The following TRAPPC9 variants were observed in gnomAD, a reference collection of about 807,000 sequenced individuals.
TRAPPC9 encodes trafficking protein particle complex subunit 9, also known as IKK2 binding protein.
In TRAPPC9, 83 loss-of-function variants were observed where a neutral mutation model predicts 124.0. The ratio of observed to expected loss-of-function variants is 0.67; its 90% CI spans 0.56 to 0.80. The LOEUF (loss-of-function observed/expected upper bound fraction) is 0.80, where lower values mean the gene tolerates loss of function less well. TRAPPC9 is among the 30% of genes least tolerant of loss of function. TRAPPC9 has a pLI of 0.00. For synonymous variants in TRAPPC9, 638 were observed against 617.5 expected (o/e 1.03, Z -0.49); for missense variants, 1,302 against 1,508.3 (o/e 0.86, Z 2.27).
intron 11 of TRAPPC9, among the ~76,000 whole-genome samples, chr8:140,293,684 G>A (rs1211815947): frequency 1.3e-5 from 2 of 151,720 alleles, no homozygotes; most frequent in Non-Finnish European, 2.9e-5. Context: ...ATGGACACAG[G>A]AAGGGGAACA....
chr8:140,025,533 A>G (rs1840087337), intron 17 of TRAPPC9, among the ~76,000 whole-genome samples: 1 of 150,982 alleles, frequency 6.6e-6, no homozygotes, highest in South Asian at 2.1e-4. Context: ...CAAAGGTTTC[A>G]TGGATATGAC....
intron 21 of TRAPPC9, among the ~76,000 whole-genome samples, chr8:139,792,106 T>TGCTA (rs1332770264): frequency 6.6e-6 from 1 of 152,158 alleles, no homozygotes; most frequent in Non-Finnish European, 1.5e-5. Flanking sequence ...ATTTGCCCTG[T>TGCTA]GCTAGACTCC....
At chr8:140,049,801 C>A (rs556784515) in intron 17 of TRAPPC9, among the ~76,000 whole-genome samples, 7 of 152,252 alleles carry the variant, frequency 4.6e-5, no homozygotes, top group Admixed American at 2.0e-4. Flanking sequence ...GAAGGTCTCC[C>A]GCCGAGTCCT....
At chr8:139,970,004 C>CA (rs761531379) in intron 19 of TRAPPC9, among the ~76,000 whole-genome samples, 1 of 152,176 alleles carries the variant, frequency 6.6e-6, no homozygotes, top group Non-Finnish European at 1.5e-5. Context: ...TTTCAGTACG[C>CA]AAAAAATGTT....
intron 17 of TRAPPC9, among the ~76,000 whole-genome samples, chr8:140,192,841 A>C (rs934001309): frequency 1.3e-5 from 2 of 152,276 alleles, no homozygotes; most frequent in East Asian, 3.9e-4. Context: ...GCAGTGGCAC[A>C]ATCTTGGCTC....
intron 21 of TRAPPC9, among the ~76,000 whole-genome samples, chr8:139,751,381 C>A (rs1051917796): frequency 3.3e-5 from 5 of 152,202 alleles, no homozygotes; most frequent in African/African-American, 1.2e-4. Flanking sequence ...CTTTCAGACA[C>A]CAGATCACCC....
chr8:140,183,995 AG>A (rs2062290863), intron 17 of TRAPPC9, among the ~76,000 whole-genome samples: 1 of 46,720 alleles, frequency 2.1e-5, no homozygotes. Context: ...AGGAGGGAGG[AG>A]GGAGGGGAGA....
At chr8:140,327,652 G>A (rs1480810890) in intron 9 of TRAPPC9, among the ~76,000 whole-genome samples, 1 of 152,150 alleles carries the variant, frequency 6.6e-6, no homozygotes, top group Non-Finnish European at 1.5e-5. Context: ...AAATAAGTCA[G>A]ACACAAAAGA....
intron 17 of TRAPPC9, among the ~76,000 whole-genome samples, chr8:140,138,080 C>T (rs895559874): frequency 5.9e-5 from 9 of 152,178 alleles, no homozygotes; most frequent in African/African-American, 1.9e-4. Context: ...ATGGGTGAAT[C>T]ACTTAAGGTC....
chr8:140,293,166 T>C (rs1355786268), intron 11 of TRAPPC9, among the ~76,000 whole-genome samples: 28 of 147,730 alleles, frequency 1.9e-4, no homozygotes, highest in Non-Finnish European at 3.7e-4. Flanking sequence ...CACAATGAGA[T>C]ACCATCTCAC....
intron 18 of TRAPPC9, among the ~76,000 whole-genome samples, chr8:139,996,174 A>AG (rs1400179311): frequency 4.1e-5 from 6 of 147,064 alleles, no homozygotes; most frequent in African/African-American, 1.5e-4. Context: ...AAAAAAAAAA[A>AG]AAAAAAAAGA....
intron 21 of TRAPPC9, among the ~76,000 whole-genome samples, chr8:139,749,891 C>T (rs1819201500): frequency 6.6e-6 from 1 of 152,200 alleles, no homozygotes; most frequent in Admixed American, 6.5e-5. Context: ...AGCGGGGCCA[C>T]AGGCAGCCTG....
chr8:139,982,735 C>T (rs1262421400), intron 19 of TRAPPC9, among the ~76,000 whole-genome samples: 1 of 152,214 alleles, frequency 6.6e-6, no homozygotes, highest in South Asian at 2.1e-4. Context: ...TGAAAAAGTA[C>T]TTTCTACATC....
chr8:140,273,617 G>C (rs1269961513), intron 15 of TRAPPC9, among the ~76,000 whole-genome samples: 1 of 152,174 alleles, frequency 6.6e-6, no homozygotes, highest in Non-Finnish European at 1.5e-5. Flanking sequence ...GCACAGAAAA[G>C]GTAACCCCTC....
intron 17 of TRAPPC9, among the ~76,000 whole-genome samples, chr8:140,127,847 T>A (rs2130676618): frequency 6.6e-6 from 1 of 152,332 alleles, no homozygotes; most frequent in East Asian, 1.9e-4. Context: ...CCAGCTTCTT[T>A]CTTGCCAAAA....
intron 20 of TRAPPC9, 86 bp from the exon 21 acceptor site, chr8:139,886,055 T>C (rs1029620769): frequency 3.9e-5 from 49 of 1,269,080 alleles, no homozygotes; most frequent in Non-Finnish European, 4.9e-5. Flanking sequence ...GACCCTCAGA[T>C]GGGAAACCTC....
intron 21 of TRAPPC9, among the ~76,000 whole-genome samples, chr8:139,844,166 G>T (rs1039972680): frequency 1.3e-5 from 2 of 152,180 alleles, no homozygotes; most frequent in African/African-American, 4.8e-5. Context: ...CCTCCTCATC[G>T]CTAGGAGGAC....
At chr8:140,272,130 C>CGATGGTGATGGTGATGGTGGT (rs1554657975) in intron 15 of TRAPPC9, among the ~76,000 whole-genome samples, 43 of 100,458 alleles carry the variant, frequency 4.3e-4, no homozygotes, top group South Asian at 1.0e-3. Flanking sequence ...GTGATGGTGG[C>CGATGGTGATGGTGATGGTGGT]GATGGTGATG....
chr8:139,757,444 T>A (rs1281746773), intron 21 of TRAPPC9, among the ~76,000 whole-genome samples: 7 of 111,614 alleles, frequency 6.3e-5, no homozygotes, highest in South Asian at 3.0e-4. Flanking sequence ...GGAGCCAGGG[T>A]TTGGGGATGA....
Sources: allele counts gnomAD v4.1 joint callset (sites outside exome capture counted in the v4.1 genomes callset), GRCh38; gene constraint gnomAD v4.1.1; transcripts MANE v1.5; gene names NCBI Gene and HGNC (gene_info 2026-07-23, HGNC 2026-07-21).